NKAIN2: variants seen among roughly 807,000 people sequenced by gnomAD.
The protein encoded by NKAIN2 is sodium/potassium transporting ATPase interacting 2.
In NKAIN2, 14 loss-of-function variants were observed where a neutral mutation model predicts 32.6. The ratio of observed to expected loss-of-function variants is 0.43; its 90% CI spans 0.28 to 0.67. The LOEUF (loss-of-function observed/expected upper bound fraction) is 0.67. Among genes scored for constraint, NKAIN2 ranks in the 30% least tolerant of loss-of-function variants. The pLI, the probability that NKAIN2 is intolerant of heterozygous loss-of-function variation, is 0.17. For missense variants in NKAIN2, 198 were observed against 258.3 expected (o/e 0.77, Z 1.60); for synonymous variants, 80 against 87.2 (o/e 0.92, Z 0.46).
At chr6:124,176,054 G>GA in intron 1 of NKAIN2, among the ~76,000 whole-genome samples, 1 of 152,204 alleles carries the variant, frequency 6.6e-6, no homozygotes, top group South Asian at 2.1e-4. Context: ...ACAATAAAGG[G>GA]AATATTGCAA....
chr6:123,946,151 G>C (rs998248166), intron 1 of NKAIN2, among the ~76,000 whole-genome samples: 5 of 152,084 alleles, frequency 3.3e-5, no homozygotes, highest in African/African-American at 1.2e-4. Flanking sequence ...AGTCTGCTAG[G>C]TTAATGAGGA....
chr6:124,634,852 A>G (rs1583558312), intron 3 of NKAIN2, among the ~76,000 whole-genome samples: 1 of 152,136 alleles, frequency 6.6e-6, no homozygotes, highest in East Asian at 1.9e-4. Flanking sequence ...AAACAAACAA[A>G]CAAAATTCAA....
chr6:123,832,198 C>A (rs1477203318), intron 1 of NKAIN2, among the ~76,000 whole-genome samples: 1 of 152,186 alleles, frequency 6.6e-6, no homozygotes, highest in East Asian at 1.9e-4. Flanking sequence ...TTTTCCTTTT[C>A]CAGATATCAT....
intron 1 of NKAIN2, among the ~76,000 whole-genome samples, chr6:124,144,625 A>G (rs1007664145): frequency 2.6e-5 from 4 of 152,230 alleles, no homozygotes; most frequent in African/African-American, 9.6e-5. Flanking sequence ...GGTCATTAAA[A>G]GTTAACTCAA....
chr6:124,699,199 T>G (rs117010803), intron 4 of NKAIN2, among the ~76,000 whole-genome samples: 4,685 of 152,262 alleles, frequency 0.031, 90 homozygotes, highest in East Asian at 0.072. Context: ...TGTCTGGGCC[T>G]GAGGGGAAGT....
chr6:123,946,669 G>A (rs1439860970), intron 1 of NKAIN2, among the ~76,000 whole-genome samples: 4 of 152,194 alleles, frequency 2.6e-5, no homozygotes, highest in Non-Finnish European at 5.9e-5. Flanking sequence ...ATCTGATATT[G>A]TAATACTGTG....
chr6:124,536,634 G>A (rs544670294), intron 3 of NKAIN2, among the ~76,000 whole-genome samples: 11 of 152,046 alleles, frequency 7.2e-5, no homozygotes, highest in South Asian at 2.1e-4. Context: ...AGAATTTATC[G>A]TAAGGATGCA....
In NKAIN2 at chr6:124,550,912, G is replaced by A. The variant is rs1244586166; in HGVS notation, c.274-107274G>A. Among the ~76,000 whole-genome samples, 4 of 152,174 alleles carry A rather than the reference G, an allele frequency of 2.6e-5. No homozygotes were observed. The East Asian group carries it at 7.7e-4, about 29-fold the overall frequency. ...AGTCAAGATATTAGCTAAGAGTGAAGGGAATAAAACTGATGGAAGTTTGAA... is the reference window on the plus strand; with the variant it reads ...AGTCAAGATATTAGCTAAGAGTGAAAGGAATAAAACTGATGGAAGTTTGAA... On this transcript the variant is annotated intron_variant, in intron 3 of 6. Transcript: ENST00000368417.
intron 1 of NKAIN2, among the ~76,000 whole-genome samples, chr6:123,863,542 G>T (rs545832819): frequency 6.6e-6 from 1 of 152,296 alleles, no homozygotes; most frequent in East Asian, 1.9e-4. Flanking sequence ...CTTAAGTTGT[G>T]ATCAGATGAT....
chr6:124,710,324 GT>G (rs1440074027), intron 4 of NKAIN2, among the ~76,000 whole-genome samples: 1 of 152,084 alleles, frequency 6.6e-6, no homozygotes, highest in Non-Finnish European at 1.5e-5. Flanking sequence ...GGGGTGGAGA[GT>G]TCTGTAGATG....
chr6:124,615,761 T>G (rs1408299459), intron 3 of NKAIN2, among the ~76,000 whole-genome samples: 1 of 152,206 alleles, frequency 6.6e-6, no homozygotes, highest in Non-Finnish European at 1.5e-5. Flanking sequence ...TCCTACAGAT[T>G]CCTGAAATAA....
At chr6:123,813,792 GC>G (rs1773578704) in intron 1 of NKAIN2, among the ~76,000 whole-genome samples, 1 of 152,010 alleles carries the variant, frequency 6.6e-6, no homozygotes, top group South Asian at 2.1e-4. Context: ...GGGCAACAGA[GC>G]GAAATCCCAT....
intron 3 of NKAIN2, among the ~76,000 whole-genome samples, chr6:124,416,879 C>T (rs1442569634): frequency 3.3e-5 from 5 of 152,072 alleles, no homozygotes; most frequent in African/African-American, 1.2e-4. Context: ...CTCCCCTCTA[C>T]AGACCAGGAT....
intron 3 of NKAIN2, among the ~76,000 whole-genome samples, chr6:124,412,866 G>A (rs1276405689): frequency 6.6e-6 from 1 of 152,140 alleles, no homozygotes; most frequent in Non-Finnish European, 1.5e-5. Context: ...CTCAAGCCTG[G>A]GCAATGGCGG....
At chr6:124,799,353 A>T (rs917396130) in intron 5 of NKAIN2, among the ~76,000 whole-genome samples, 5 of 152,306 alleles carry the variant, frequency 3.3e-5, no homozygotes, top group South Asian at 2.1e-4. Context: ...CTATATTTTT[A>T]AATTTGGATG....
chr6:124,111,693 A>G (rs539752346), intron 1 of NKAIN2, among the ~76,000 whole-genome samples: 14 of 152,094 alleles, frequency 9.2e-5, no homozygotes, highest in African/African-American at 3.1e-4. Flanking sequence ...AGGATTTGCT[A>G]TTGACATTTT....
chr6:124,284,294 C>T (rs188141518), intron 2 of NKAIN2, among the ~76,000 whole-genome samples: 15 of 152,060 alleles, frequency 9.9e-5, no homozygotes, highest in African/African-American at 2.9e-4. Flanking sequence ...CAGTGTAGGG[C>T]GGGTTGTACA....
At chr6:124,741,069 A>T (rs937276841) in intron 4 of NKAIN2, among the ~76,000 whole-genome samples, 6 of 151,806 alleles carry the variant, frequency 4.0e-5, no homozygotes, top group Admixed American at 2.0e-4. Flanking sequence ...AGAAAGACAG[A>T]AATCAAGGAG....
chr6:124,127,289 G>A (rs186247631), intron 1 of NKAIN2, among the ~76,000 whole-genome samples: 1 of 152,094 alleles, frequency 6.6e-6, no homozygotes, highest in African/African-American at 2.4e-5. Flanking sequence ...CAAATGAGCT[G>A]GTATAGTCAC....
Sources: gnomAD v4.1 joint callset for allele counts (sites outside exome capture counted in the v4.1 genomes callset) on GRCh38, gnomAD v4.1.1 for gene constraint, MANE v1.5 for transcripts, NCBI Gene and HGNC (gene_info 2026-07-23, HGNC 2026-07-21) for gene names.